The following PHLDB2 variants were observed in gnomAD, a reference collection of about 807,000 sequenced individuals.
The protein encoded by PHLDB2 is pleckstrin homology like domain family B member 2, also known as pleckstrin homology-like domain family B member 2.
In PHLDB2, 71 loss-of-function variants were observed where a neutral mutation model predicts 123.6. The ratio of observed to expected loss-of-function variants is 0.57; its 90% CI spans 0.47 to 0.70. The LOEUF is 0.70. Among genes scored for constraint, PHLDB2 ranks in the 30% least tolerant of loss-of-function variants. PHLDB2 has a pLI of 0.00. For missense variants in PHLDB2, 1,446 were observed against 1,519.5 expected (o/e 0.95, Z 0.80); for synonymous variants, 547 against 541.6 (o/e 1.01, Z -0.14).
At chr3:111,861,142 T>G (rs1369057668) in intron 1 of PHLDB2, among the ~76,000 whole-genome samples, 1 of 152,210 alleles carries the variant, frequency 6.6e-6, no homozygotes, top group Admixed American at 6.5e-5. Flanking sequence ...CTGTCGGATT[T>G]GGGATAAATA....
intron 1 of PHLDB2, among the ~76,000 whole-genome samples, chr3:111,825,593 G>A (rs2062615934): frequency 2.0e-5 from 3 of 152,136 alleles, no homozygotes; most frequent in South Asian, 2.1e-4. Context: ...GATTACAGGC[G>A]TGCACCACCA....
At chr3:111,776,214 C>T (rs1279224837) in intron 1 of PHLDB2, among the ~76,000 whole-genome samples, 1 of 152,084 alleles carries the variant, frequency 6.6e-6, no homozygotes. Flanking sequence ...GAGAAATAAT[C>T]CCCTTTATCG....
At chr3:111,762,257 A>C (rs1052060774) in intron 1 of PHLDB2, among the ~76,000 whole-genome samples, 5 of 152,262 alleles carry the variant, frequency 3.3e-5, no homozygotes, top group African/African-American at 9.6e-5. Flanking sequence ...TGAAGTTTAA[A>C]GAAGATAATG....
chr3:111,943,026 A>G (rs188683989), intron 8 of PHLDB2, among the ~76,000 whole-genome samples: 5 of 152,230 alleles, frequency 3.3e-5, no homozygotes, highest in African/African-American at 1.2e-4. Flanking sequence ...TGGCAAAATT[A>G]TATAACATAG....
At chr3:111,889,123 A>G (rs1431509711) in intron 2 of PHLDB2, among the ~76,000 whole-genome samples, 1 of 152,216 alleles carries the variant, frequency 6.6e-6, no homozygotes. Context: ...ATCTTAGCTT[A>G]TGTTTTTAGC....
At chr3:111,775,389 A>C (rs2060250813) in intron 1 of PHLDB2, among the ~76,000 whole-genome samples, 1 of 152,226 alleles carries the variant, frequency 6.6e-6, no homozygotes, top group Non-Finnish European at 1.5e-5. Flanking sequence ...AAGAGCATGT[A>C]GATGATACTT....
chr3:111,832,694 ATAATAGAATTATACATATAAT>A (rs2063117571), intron 1 of PHLDB2, among the ~76,000 whole-genome samples: 1 of 104,170 alleles, frequency 9.6e-6, no homozygotes, highest in East Asian at 2.6e-4. Context: ...TATAATATAT[ATAATAGAATTATACATATAAT>A]ATATATAATA....
rs897374801 is a variant in PHLDB2 at position 111,779,716 on chromosome 3, C to G, written c.-49+47013C>G. ...CACCTGGGTTCATTCCACATTTTTG[C>G]TCTTGTGAATGGCGTTAAGATGAAC... On this transcript the variant is annotated intron_variant, in intron 1 of 17. Transcript: ENST00000393923. 2.4e-5 allele frequency: 9 copies of G among 373,566 alleles called. No individual in the cohort carries two copies. The Admixed American group carries it at 5.2e-4, about 21-fold the overall frequency. The allele number at this position is 373,566 out of a possible 1,614,324, so 23.1% of individuals were successfully genotyped here. A position where few individuals can be genotyped will look rare whatever the true frequency, so the allele number is the denominator to read the frequency against.
intron 2 of PHLDB2, among the ~76,000 whole-genome samples, chr3:111,901,057 T>A (rs2067166584): frequency 6.6e-6 from 1 of 152,096 alleles, no homozygotes. Context: ...CTTTGTGACA[T>A]GCTTTTAAAA....
chr3:111,854,917 G>A (rs780812573), upstream of PHLDB2, among the ~76,000 whole-genome samples: 5 of 152,162 alleles, frequency 3.3e-5, no homozygotes, highest in East Asian at 1.9e-4. Flanking sequence ...AATTGAAGTC[G>A]ACCCCTTGGG....
intron 5 of PHLDB2, among the ~76,000 whole-genome samples, chr3:111,926,116 A>G (rs1276395440): frequency 1.3e-5 from 2 of 152,244 alleles, no homozygotes; most frequent in Admixed American, 1.3e-4. Context: ...GCACTCTTAA[A>G]CACATGAAAC....
At chr3:111,892,385 A>G (rs962277587) in intron 2 of PHLDB2, among the ~76,000 whole-genome samples, 1 of 152,150 alleles carries the variant, frequency 6.6e-6, no homozygotes, top group African/African-American at 2.4e-5. Context: ...CTTGCTCACC[A>G]CTATAGATGC....
chr3:111,934,023 C>G (rs1286355617), intron 6 of PHLDB2, among the ~76,000 whole-genome samples: 1 of 152,152 alleles, frequency 6.6e-6, no homozygotes. Context: ...TGTAGGATAA[C>G]TCATAATATC....
chr3:111,913,862 G>C, intron 3 of PHLDB2, 160 bp downstream of exon 3: 1 of 957,234 alleles, frequency 1.0e-6, no homozygotes, highest in Non-Finnish European at 1.5e-6. Flanking sequence ...GCAAATTAGG[G>C]TGTTTACTGT....
At chr3:111,840,998 G>C (rs1024651773) in intron 1 of PHLDB2, among the ~76,000 whole-genome samples, 2 of 152,154 alleles carry the variant, frequency 1.3e-5, no homozygotes, top group African/African-American at 4.8e-5. Context: ...GAGGAGTTTA[G>C]GCAGCTAATC....
intron 1 of PHLDB2, among the ~76,000 whole-genome samples, chr3:111,794,836 G>A (rs1269449538): frequency 6.6e-6 from 1 of 152,128 alleles, no homozygotes; most frequent in Non-Finnish European, 1.5e-5. Context: ...CTTTGGTGTG[G>A]TATTGGAGCT....
intron 1 of PHLDB2, among the ~76,000 whole-genome samples, chr3:111,759,356 C>T (rs1483301839): frequency 1.3e-5 from 2 of 152,208 alleles, no homozygotes; most frequent in Non-Finnish European, 2.9e-5. Context: ...TCTGGGGTTT[C>T]TTTTGTAAGG....
intron 1 of PHLDB2, among the ~76,000 whole-genome samples, chr3:111,827,735 C>T (rs1191289428): frequency 6.7e-6 from 1 of 150,192 alleles, no homozygotes; most frequent in Non-Finnish European, 1.5e-5. Flanking sequence ...CTGAGCAACT[C>T]GGTTCAGACT....
Position 111,779,979 on chromosome 3 carries a change from G to A in PHLDB2, c.-49+47276G>A, listed in dbSNP as rs752416026. The A allele has an allele frequency of 3.5e-5, 19 of 547,880 alleles. No individual in the cohort carries two copies. The South Asian group carries it at 1.4e-3, about 41-fold the overall frequency. The allele number at this position is 547,880 out of a possible 1,614,324, so 33.9% of individuals were successfully genotyped here. On this transcript the variant is annotated intron_variant, in intron 1 of 17. Coordinates refer to the PHLDB2 transcript ENST00000393923. ...TAGGAAGAGGAGAGTCGAGGACTCTGACATGTGTCTATTCACAAAATGTGA... is the reference window on the plus strand; with the variant it reads ...TAGGAAGAGGAGAGTCGAGGACTCTAACATGTGTCTATTCACAAAATGTGA...
Sources: allele counts gnomAD v4.1 joint callset (sites outside exome capture counted in the v4.1 genomes callset), GRCh38; gene constraint gnomAD v4.1.1; transcripts MANE v1.5; gene names NCBI Gene and HGNC (gene_info 2026-07-23, HGNC 2026-07-21).